Variants in SLC16A5 observed in about 807,000 individuals in gnomAD.
SLC16A5 encodes the protein solute carrier family 16 member 5.
Under a neutral mutation model 33.2 loss-of-function variants are expected in SLC16A5, and 29 were observed. The observed-to-expected ratio is 0.87, with a 90% CI of 0.65 to 1.19. SLC16A5 has a LOEUF of 1.19. SLC16A5 is among the 50% of genes most tolerant of loss of function. The pLI is 0.00. For synonymous variants in SLC16A5, 248 were observed against 284.1 expected (o/e 0.87, Z 1.28); for missense variants, 606 against 678.2 (o/e 0.89, Z 1.18).
chr17:75,098,505 C>T (rs1464676153), intron 4 of SLC16A5, among the ~76,000 whole-genome samples: 1 of 152,056 alleles, frequency 6.6e-6, no homozygotes, highest in Non-Finnish European at 1.5e-5. Flanking sequence ...TTGCAGTGAG[C>T]CAAGATCGCA....
chr17:75,101,255 A>G (rs1008289631), intron 5 of SLC16A5, among the ~76,000 whole-genome samples: 7 of 133,396 alleles, frequency 5.2e-5, no homozygotes, highest in African/African-American at 1.9e-4. Flanking sequence ...CCTCAAAAAG[A>G]AAAAAAAAAA....
At chr17:75,109,310 C>G (rs2073887881), downstream of SLC16A5, among the ~76,000 whole-genome samples, 1 of 152,198 alleles carries the variant, frequency 6.6e-6, no homozygotes, top group South Asian at 2.1e-4. This position sits in a 1 kb window ranked among gnomAD's most constrained non-coding sequence, Gnocchi z 5.0. Context: ...TGATTTCTGT[C>G]CAGAGGTGGC....
At position 75,106,029 on chromosome 17, in the gene SLC16A5, C is replaced by T. The variant is rs1227416653; in HGVS notation, c.1514C>T (p.Thr505Ile). The T allele has an allele frequency of 2.7e-6, 4 of 1,490,402 alleles. No homozygotes were observed. The highest frequency in any genetic ancestry group is 2.4e-5 in the East Asian group (1 of 41,706). The allele number at this position is 1,490,402 out of a possible 1,614,324, so 92.3% of individuals were successfully genotyped here. Residue 505 changes from threonine to isoleucine, a missense_variant, in exon 7 of 7, where the codon ACC (threonine) becomes ATC (isoleucine). Transcript: ENST00000329783. ...KQTALGWNSP[T>I] The stretch of plus-strand genomic sequence containing the variant: ...ACGGCTCTGGGCTGGAATAGCCCTA[C>T]CTGAGTGCCCTGTTTGACTCCGCCA...
intron 5 of SLC16A5, among the ~76,000 whole-genome samples, chr17:75,103,385 A>C (rs1371710107): frequency 6.9e-6 from 1 of 145,122 alleles, no homozygotes. Context: ...ACTGGAGTGC[A>C]GTGGTACGAT....
intron 5 of SLC16A5, 50 bp downstream of exon 5, chr17:75,100,866 A>G (rs1042375132): frequency 1.4e-6 from 2 of 1,470,956 alleles, no homozygotes; most frequent in East Asian, 2.5e-5. Context: ...AAAGGGGAAC[A>G]GTTTAGACAG....
chr17:75,089,623 G>A (rs1431667120), intron 2 of SLC16A5, among the ~76,000 whole-genome samples: 3 of 151,986 alleles, frequency 2.0e-5, no homozygotes, highest in African/African-American at 7.2e-5. Context: ...GCATAGTGGC[G>A]TGTGCCTGTA....
intron 5 of SLC16A5, among the ~76,000 whole-genome samples, chr17:75,103,385 A>G (rs1371710107): frequency 1.4e-5 from 2 of 145,228 alleles, no homozygotes; most frequent in East Asian, 2.0e-4. Context: ...ACTGGAGTGC[A>G]GTGGTACGAT....
In SLC16A5 at chr17:75,092,206, C is replaced by G. The variant is rs539583159; in HGVS notation, c.-48-1383C>G. On this transcript the variant is annotated intron_variant, in intron 2 of 6. Coordinates refer to ENST00000329783, the MANE Select transcript of SLC16A5 (RefSeq NM_004695.4). ...GTGTCTGCTAGTGTGTCTTGTGTAC[C>G]TGCTTGTATGCCTCTGTGTGTGAGT... 5.9e-5 allele frequency among the ~76,000 whole-genome samples: 9 copies of G among 151,910 alleles called. No homozygotes were observed. In the East Asian group the frequency reaches 1.6e-3, roughly 26 times the overall value.
At chr17:75,097,693 G>A (rs190457241) in intron 3 of SLC16A5, among the ~76,000 whole-genome samples, 111 of 152,308 alleles carry the variant, frequency 7.3e-4, no homozygotes, top group African/African-American at 2.6e-3. Context: ...CGAAGTGGGG[G>A]AGGTAAACTC....
Position 75,100,640 on chromosome 17 carries a change from G to A in SLC16A5, c.977G>A (p.Gly326Asp), listed in dbSNP as rs568762538. Residue 326 changes from glycine to aspartate, a missense_variant, in exon 5 of 7, where the codon GGT becomes GAT. Physicochemically the swap from Gly to Asp is moderately conservative, Grantham distance 94. Transcript: ENST00000329783. ...ACTAACCTGGTGTGTGCGGCATCAG[G>A]TGACTTCTGGGTGCTCGTGGGCTAC... is the stretch of plus-strand genomic sequence containing the variant. ...GLTNLVCAAS[G>D]DFWVLVGYCL... 2 of 1,614,190 alleles carry A rather than the reference G, an allele frequency of 1.2e-6. No homozygotes were observed. The highest frequency in any genetic ancestry group is 1.3e-5 in the African/African-American group (1 of 75,054).
At chr17:75,103,660 G>A (rs564270755) in intron 5 of SLC16A5, among the ~76,000 whole-genome samples, 1 of 152,288 alleles carries the variant, frequency 6.6e-6, no homozygotes, top group South Asian at 2.1e-4. Flanking sequence ...CAAGTGGGGA[G>A]AGCTCTTCAG....
downstream of SLC16A5, among the ~76,000 whole-genome samples, chr17:75,108,104 A>G (rs575390765): frequency 2.0e-5 from 3 of 152,300 alleles, no homozygotes; most frequent in South Asian, 6.2e-4. Flanking sequence ...CCATCTCAAA[A>G]AGAAAAAAAG....
intron 6 of SLC16A5, chr17:75,104,673 C>G: frequency 1.3e-6 from 1 of 765,988 alleles, no homozygotes; most frequent in Non-Finnish European, 1.6e-6. Flanking sequence ...TGGTCTCCAA[C>G]TTCCGACCTC....
intron 3 of SLC16A5, among the ~76,000 whole-genome samples, chr17:75,094,940 G>A (rs867032960): frequency 3.3e-5 from 5 of 152,194 alleles, no homozygotes; most frequent in African/African-American, 9.7e-5. Flanking sequence ...AGTCGCCGTG[G>A]ACACAGGGAC....
At chr17:75,105,791 G>A in intron 6 of SLC16A5, 89 bp from the exon 7 acceptor site, 2 of 1,446,304 alleles carry the variant, frequency 1.4e-6, no homozygotes, top group Non-Finnish European at 1.8e-6. Flanking sequence ...TCAGCAAGGG[G>A]TGCTCAGGTT....
rs553578288 is a variant in SLC16A5 at position 75,104,054 on chromosome 17, G to A, written c.1238G>A (p.Gly413Asp). 6.2e-6 allele frequency: 10 copies of A among 1,614,220 alleles called. No individual in the cohort carries two copies. The South Asian group carries it at 7.7e-5, about 12-fold the overall frequency. Residue 413 changes from glycine (G) to aspartate (D), a missense_variant, in exon 6 of 7, where the codon GGT (glycine) becomes GAT (aspartate). Gly to Asp is a moderately conservative substitution (Grantham distance 94). Coordinates refer to ENST00000329783, the MANE Select transcript of SLC16A5 (RefSeq NM_004695.4). ...CTCATCTCAGCTGCCCTCTTCATGG[G>A]TGGCAGCTTCTACGCCCTGCAGAAG... ...FFLISAALFMGGSFYALQKKE... is the reference protein window; with the variant it reads ...FFLISAALFMDGSFYALQKKE...
chr17:75,101,206 G>A (rs920945259), intron 5 of SLC16A5, among the ~76,000 whole-genome samples: 8 of 150,192 alleles, frequency 5.3e-5, no homozygotes, highest in East Asian at 2.0e-4. Context: ...CTGAGATTGC[G>A]CCACTGCACT....
At position 75,105,989 on chromosome 17, in the gene SLC16A5, C is replaced by T. The variant is rs2073858675; in HGVS notation, c.1474C>T (p.Leu492=). Residue 492 remains leucine, a synonymous_variant, in exon 7 of 7, where the codon CTG becomes TTG. Transcript: ENST00000329783. ...HEWLLWPKAV[L]QAKQTALGWN... is the part of the protein sequence containing the mutation. Reference sequence around the variant, plus strand: ...GTGGCTCTTATGGCCAAAGGCGGTACTGCAGGCCAAGCAAACGGCTCTGGG... The same window carrying T: ...GTGGCTCTTATGGCCAAAGGCGGTATTGCAGGCCAAGCAAACGGCTCTGGG... 1 of 1,607,146 alleles carries T rather than the reference C, an allele frequency of 6.2e-7. No individual in the cohort carries two copies. The highest frequency in any genetic ancestry group is 8.5e-7 in the Non-Finnish European group (1 of 1,175,780).
At chr17:75,100,883 G>GC in intron 5 of SLC16A5, 67 bp downstream of exon 5, 2 of 1,385,868 alleles carry the variant, frequency 1.4e-6, no homozygotes, top group Non-Finnish European at 1.9e-6. Flanking sequence ...ACAGATCTGG[G>GC]CCCAGTCCAG....
Sources: allele counts gnomAD v4.1 joint callset (sites outside exome capture counted in the v4.1 genomes callset), GRCh38; gene constraint gnomAD v4.1.1; non-coding constraint Gnocchi (gnomAD v3.1); transcripts MANE v1.5; gene names NCBI Gene and HGNC (gene_info 2026-07-23, HGNC 2026-07-21).